The following FHIT variants were observed in gnomAD, a reference collection of about 807,000 sequenced individuals.
The protein encoded by FHIT is bis(5'-adenosyl)-triphosphatase.
Under a neutral mutation model 17.9 loss-of-function variants are expected in FHIT, and 19 were observed. The ratio of observed to expected loss-of-function variants is 1.06; its 90% CI spans 0.74 to 1.56. FHIT has a LOEUF of 1.56. FHIT is among the 40% of genes most tolerant of loss of function. FHIT has a pLI of 0.00. For missense variants in FHIT, 248 were observed against 189.2 expected, an observed-to-expected ratio of 1.31 and a Z score of -1.82; for synonymous variants, 81 against 69.7, an observed-to-expected ratio of 1.16 and a Z score of -0.81.
intron 4 of FHIT, among the ~76,000 whole-genome samples, chr3:60,742,451 T>C (rs527791794): frequency 5.9e-5 from 9 of 152,312 alleles, no homozygotes; most frequent in African/African-American, 2.2e-4. Context: ...TTTCTCCTGA[T>C]TAAAAGTCTC....
At chr3:61,118,745 G>C (rs893580930) in intron 2 of FHIT, among the ~76,000 whole-genome samples, 1 of 152,132 alleles carries the variant, frequency 6.6e-6, no homozygotes, top group Admixed American at 6.6e-5. Context: ...GTTGTTGTAA[G>C]AATTGAATGT....
chr3:60,811,339 T>A (rs1701565758), intron 4 of FHIT, among the ~76,000 whole-genome samples: 1 of 152,174 alleles, frequency 6.6e-6, no homozygotes. Flanking sequence ...CCTGTTTTTA[T>A]AAAATCTCGA....
At chr3:60,598,951 T>G (rs562454160) in intron 4 of FHIT, among the ~76,000 whole-genome samples, 1 of 152,338 alleles carries the variant, frequency 6.6e-6, no homozygotes, top group Admixed American at 6.5e-5. Flanking sequence ...ATGTGCTGTC[T>G]GCCAAGGGAT....
chr3:60,391,938 TTTC>T (rs1183974411), intron 5 of FHIT, among the ~76,000 whole-genome samples: 2 of 152,074 alleles, frequency 1.3e-5, no homozygotes, highest in African/African-American at 2.4e-5. Context: ...TTCTTCTTTT[TTTC>T]TTTTTTTAAT....
At chr3:60,106,816 G>A (rs1358880605) in intron 5 of FHIT, among the ~76,000 whole-genome samples, 1 of 152,134 alleles carries the variant, frequency 6.6e-6, no homozygotes, top group Non-Finnish European at 1.5e-5. Flanking sequence ...AGAACCTTGA[G>A]GATAGAATCC....
At chr3:60,393,193 C>A (rs1050345582) in intron 5 of FHIT, among the ~76,000 whole-genome samples, 4 of 151,984 alleles carry the variant, frequency 2.6e-5, no homozygotes, top group Admixed American at 1.3e-4. Context: ...ACCCCCAATT[C>A]TTTAGGGATG....
At chr3:60,209,612 C>G (rs1268004113) in intron 5 of FHIT, among the ~76,000 whole-genome samples, 1 of 152,090 alleles carries the variant, frequency 6.6e-6, no homozygotes, top group African/African-American at 2.4e-5. Context: ...TTGTGTGACC[C>G]AGTTTCAGCC....
At chr3:61,177,379 G>C (rs1470011689) in intron 2 of FHIT, among the ~76,000 whole-genome samples, 1 of 151,992 alleles carries the variant, frequency 6.6e-6, no homozygotes, top group Non-Finnish European at 1.5e-5. Context: ...ATACTTCTTA[G>C]TTTATACTCT....
intron 8 of FHIT, chr3:59,886,408 C>T (rs922900395): frequency 4.6e-5 from 7 of 152,236 alleles, no homozygotes; most frequent in African/African-American, 7.2e-5. Flanking sequence ...AAAGAAATAC[C>T]TGAGGCTGGG....
At chr3:60,737,994 C>T (rs1337214881) in intron 4 of FHIT, among the ~76,000 whole-genome samples, 1 of 152,122 alleles carries the variant, frequency 6.6e-6, no homozygotes, top group Non-Finnish European at 1.5e-5. Flanking sequence ...ACTGCACTCA[C>T]CTGATTAAAA....
At chr3:60,219,498 G>A (rs1002081665) in intron 5 of FHIT, among the ~76,000 whole-genome samples, 4 of 152,216 alleles carry the variant, frequency 2.6e-5, no homozygotes, top group Non-Finnish European at 4.4e-5. Context: ...ACATCCTCCT[G>A]ATTAAAATGT....
At chr3:60,374,530 C>T (rs1700464567) in intron 5 of FHIT, among the ~76,000 whole-genome samples, 1 of 150,824 alleles carries the variant, frequency 6.6e-6, no homozygotes, top group African/African-American at 2.4e-5. Context: ...AAAGGCATGA[C>T]TAGTAGGATC....
At chr3:60,362,596 T>C (rs1576539387) in intron 5 of FHIT, among the ~76,000 whole-genome samples, 1 of 152,190 alleles carries the variant, frequency 6.6e-6, no homozygotes, top group Non-Finnish European at 1.5e-5. Context: ...AATTAAATCA[T>C]CAACATGAGA....
At chr3:60,537,363 G>T in intron 4 of FHIT, 1 of 518,082 alleles carries the variant, frequency 1.9e-6, no homozygotes, top group Non-Finnish European at 2.5e-6. Flanking sequence ...TTTTCATTAA[G>T]TATTAACTAT....
intron 5 of FHIT, among the ~76,000 whole-genome samples, chr3:60,532,646 C>T (rs559010545): frequency 1.3e-5 from 2 of 152,170 alleles, no homozygotes; most frequent in African/African-American, 2.4e-5. Context: ...ACCACAGAAG[C>T]CAAAGCCTGT....
At chr3:60,434,767 A>C (rs2030059929) in intron 5 of FHIT, among the ~76,000 whole-genome samples, 1 of 152,102 alleles carries the variant, frequency 6.6e-6, no homozygotes, top group Non-Finnish European at 1.5e-5. Flanking sequence ...AATTATTTTG[A>C]AACATTTTAC....
chr3:60,282,727 T>A (rs1031631576), intron 5 of FHIT, among the ~76,000 whole-genome samples: 7 of 152,116 alleles, frequency 4.6e-5, no homozygotes, highest in African/African-American at 1.7e-4. Context: ...GTCTCTCAAC[T>A]ATCTGCACAA....
chr3:59,920,413 T>C (rs1254298650), intron 8 of FHIT, among the ~76,000 whole-genome samples: 1 of 152,180 alleles, frequency 6.6e-6, no homozygotes, highest in Non-Finnish European at 1.5e-5. Context: ...ATGTGGGAAG[T>C]AGAAACATGT....
chr3:60,396,488 T>C (rs1033015749), intron 5 of FHIT, among the ~76,000 whole-genome samples: 1 of 152,094 alleles, frequency 6.6e-6, no homozygotes, highest in Non-Finnish European at 1.5e-5. Context: ...CCATTTTTGA[T>C]TGGGAAATGA....
Sources: allele counts gnomAD v4.1 joint callset (sites outside exome capture counted in the v4.1 genomes callset), GRCh38; gene constraint gnomAD v4.1.1; transcripts MANE v1.5; gene names NCBI Gene and HGNC (gene_info 2026-07-23, HGNC 2026-07-21).